PREX2: variants seen among roughly 807,000 people sequenced by gnomAD.
The protein encoded by PREX2 is phosphatidylinositol 3,4,5-trisphosphate-dependent Rac exchanger 2 protein.
In PREX2, 107 loss-of-function variants were observed where a neutral mutation model predicts 203.2. The ratio of observed to expected loss-of-function variants is 0.53; its 90% confidence interval spans 0.45 to 0.62. The LOEUF (loss-of-function observed/expected upper bound fraction) is 0.62. Ranked by LOEUF, PREX2 falls within the 20% of genes least tolerant of loss-of-function variation. PREX2 has a pLI of 0.00. For synonymous variants in PREX2, 672 were observed against 663.6 expected, an observed-to-expected ratio of 1.01 and a Z score of -0.19; for missense variants, 1,777 against 1,955.9, an observed-to-expected ratio of 0.91 and a Z score of 1.72.
intron 37 of PREX2, among the ~76,000 whole-genome samples, chr8:68,201,899 TA>T (rs1380136655): frequency 8.0e-5 from 11 of 138,104 alleles, no homozygotes; most frequent in African/African-American, 2.5e-4. Flanking sequence ...AGGTAACACC[TA>T]TTTTTTTTTT....
At chr8:67,960,407 C>A (rs1806288556) in intron 1 of PREX2, among the ~76,000 whole-genome samples, 1 of 152,124 alleles carries the variant, frequency 6.6e-6, no homozygotes, top group Non-Finnish European at 1.5e-5. Flanking sequence ...TCTTGTCTAT[C>A]CACAGACTGA....
chr8:68,192,698 A>G (rs1812322044), intron 37 of PREX2, 173 bp downstream of exon 37: 1 of 498,178 alleles, frequency 2.0e-6, no homozygotes, highest in Non-Finnish European at 3.4e-6. Context: ...TTCAGTGACT[A>G]TTTAGTCATA....
chr8:68,106,623 A>G (rs1160924101), intron 23 of PREX2, among the ~76,000 whole-genome samples: 1 of 152,172 alleles, frequency 6.6e-6, no homozygotes, highest in Non-Finnish European at 1.5e-5. Flanking sequence ...TATAATCTAC[A>G]CGTATACATA....
chr8:67,963,421 A>G (rs1805686302), intron 1 of PREX2, among the ~76,000 whole-genome samples: 1 of 152,212 alleles, frequency 6.6e-6, no homozygotes, highest in South Asian at 2.1e-4. Flanking sequence ...AGAGAAATCA[A>G]TATTTATTTA....
intron 39 of PREX2, among the ~76,000 whole-genome samples, chr8:68,225,275 T>TGAGA (rs148366002): frequency 0.035 from 5,323 of 152,234 alleles, 344 homozygotes; most frequent in African/African-American, 0.12. Context: ...AATGAATGAT[T>TGAGA]TTTTTGTTTG....
At chr8:68,109,752 C>T (rs540515152) in intron 25 of PREX2, 129 bp downstream of exon 25, 3 of 711,694 alleles carry the variant, frequency 4.2e-6, no homozygotes, top group East Asian at 2.7e-5. Flanking sequence ...TATATAGATC[C>T]TCTTCATTCC....
chr8:68,157,395 A>AG lies in PREX2; in HGVS notation c.4306dup (p.Ala1436GlyfsTer36). 1 of 1,612,666 alleles carries AG rather than the reference A, an allele frequency of 6.2e-7. No individual in the cohort carries two copies. The highest frequency in any genetic ancestry group is 8.5e-7 in the Non-Finnish European group (1 of 1,178,904). ...AAGAATTTCAAGCTCAGATAAATGC[A>AG]GCCTCACTGGAAAAGGTCAAACAGT... On this transcript the variant is annotated frameshift_variant, in exon 35 of 40. Transcript: ENST00000288368. LOFTEE classifies it high-confidence loss of function.
intron 25 of PREX2, among the ~76,000 whole-genome samples, chr8:68,111,418 A>G (rs1003535307): frequency 2.0e-5 from 3 of 152,064 alleles, no homozygotes; most frequent in Non-Finnish European, 4.4e-5. Context: ...AGGTTCAGGT[A>G]ATGTAGAAAT....
intron 34 of PREX2, among the ~76,000 whole-genome samples, chr8:68,149,843 A>C (rs1392486476): frequency 6.6e-6 from 1 of 152,202 alleles, no homozygotes; most frequent in African/African-American, 2.4e-5. Flanking sequence ...AAACCACTCT[A>C]GGTCTGTGTG....
rs771952370 is a variant in PREX2 at position 68,146,229 on chromosome 8, G to A, written c.4108G>A (p.Ala1370Thr). 2 of 1,609,036 alleles carry A rather than the reference G, an allele frequency of 1.2e-6. No homozygotes were observed. The highest frequency in any genetic ancestry group is 1.1e-5 in the South Asian group (1 of 90,708). Reference sequence around the variant, plus strand: ...TTTAGATGTTCCTCTTACATATCAAGCAGAAGGAAGTCGGCAAGCTCTGAA... The same window carrying A: ...TTTAGATGTTCCTCTTACATATCAAACAGAAGGAAGTCGGCAAGCTCTGAA... ...LVANVPLTYQ[A>T]EGSRQALKVY... The change falls in exon 34 of 40, where the codon GCA becomes ACA. Residue 1370 changes from alanine (A) to threonine (T), a missense_variant. Ala to Thr is a moderately conservative substitution (Grantham distance 58). Coordinates refer to ENST00000288368, the MANE Select transcript of PREX2 (RefSeq NM_024870.4).
At chr8:68,154,564 A>C (rs1811503798) in intron 34 of PREX2, among the ~76,000 whole-genome samples, 1 of 152,232 alleles carries the variant, frequency 6.6e-6, no homozygotes, top group Admixed American at 6.5e-5. Flanking sequence ...TTTCCTAAAT[A>C]GCAGCTTGTG....
At chr8:68,043,577 T>C (rs1808260534) in intron 7 of PREX2, among the ~76,000 whole-genome samples, 1 of 152,084 alleles carries the variant, frequency 6.6e-6, no homozygotes. Flanking sequence ...TTAATCATTA[T>C]TTGACTATAT....
intron 35 of PREX2, among the ~76,000 whole-genome samples, 178 bp from the exon 36 acceptor site, chr8:68,191,544 T>G (rs2129614660): frequency 1.3e-5 from 2 of 152,320 alleles, no homozygotes; most frequent in East Asian, 3.9e-4. Flanking sequence ...GGTGGTAATT[T>G]TATCCATCTT....
At chr8:67,977,227 A>G (rs565756096) in intron 1 of PREX2, among the ~76,000 whole-genome samples, 2 of 152,288 alleles carry the variant, frequency 1.3e-5, no homozygotes, top group South Asian at 4.2e-4. Flanking sequence ...AGTAGGATAT[A>G]AGGAGAAATC....
chr8:68,055,404 TA>T (rs1808646514), intron 9 of PREX2, among the ~76,000 whole-genome samples: 1 of 152,140 alleles, frequency 6.6e-6, no homozygotes, highest in South Asian at 2.1e-4. Context: ...AAACCTTTCT[TA>T]ACATTTCTCA....
At chr8:68,133,236 A>G (rs1811042855) in intron 31 of PREX2, among the ~76,000 whole-genome samples, 2 of 152,174 alleles carry the variant, frequency 1.3e-5, no homozygotes, top group South Asian at 4.1e-4. Flanking sequence ...TCACAAGAAC[A>G]GCATGGGAGA....
At chr8:68,087,188 A>G (rs762418858) in intron 18 of PREX2, among the ~76,000 whole-genome samples, 1 of 152,198 alleles carries the variant, frequency 6.6e-6, no homozygotes, top group East Asian at 1.9e-4. Context: ...TAAGGAGCTT[A>G]TCTAAGTTAT....
intron 20 of PREX2, among the ~76,000 whole-genome samples, chr8:68,091,720 T>C (rs1809880276): frequency 6.6e-6 from 1 of 152,244 alleles, no homozygotes; most frequent in Non-Finnish European, 1.5e-5. Context: ...AATGAATGTT[T>C]AAAGTCTCAT....
chr8:68,200,449 C>T (rs1254216850), intron 37 of PREX2, among the ~76,000 whole-genome samples: 1 of 151,612 alleles, frequency 6.6e-6, no homozygotes, highest in Non-Finnish European at 1.5e-5. Flanking sequence ...CTAATTTAGT[C>T]AACTAGATAA....
Sources: gnomAD v4.1 joint callset for allele counts (sites outside exome capture counted in the v4.1 genomes callset) on GRCh38, gnomAD v4.1.1 for gene constraint, MANE v1.5 for transcripts, NCBI Gene and HGNC (gene_info 2026-07-23, HGNC 2026-07-21) for gene names.